Variants in DPYD observed in about 807,000 individuals in gnomAD.
The protein encoded by DPYD is dihydropyrimidine dehydrogenase, also known as dihydropyrimidine dehydrogenase [NADP(+)].
Under a neutral mutation model 116.2 loss-of-function variants are expected in DPYD, and 109 were observed. The ratio of observed to expected loss-of-function variants is 0.94; its 90% CI spans 0.80 to 1.10. The LOEUF is 1.10. DPYD is among the 50% of genes least tolerant of loss of function. The pLI is 0.00. For synonymous variants in DPYD, 440 were observed against 432.0 expected, an observed-to-expected ratio of 1.02 and a Z score of -0.23; for missense variants, 1,302 against 1,254.5, an observed-to-expected ratio of 1.04 and a Z score of -0.57.
chr1:97,593,433 T>C lies in DPYD; in HGVS notation c.959-46A>G, dbSNP rs1490832009. 3.7e-6 allele frequency: 6 copies of C among 1,605,430 alleles called. 1 individual carries two copies. The South Asian group carries it at 6.6e-5, about 18-fold the overall frequency. On this transcript the variant is annotated intron_variant, in intron 9 of 22. Transcript: ENST00000370192. ...CCCATTTTCAAGTAGAGAAACCATT[T>C]CTGCATGACAGCTCAAAAGATACTT...
intron 2 of DPYD, among the ~76,000 whole-genome samples, chr1:97,881,131 T>TA (rs1161194112): frequency 2.0e-5 from 3 of 152,190 alleles, no homozygotes; most frequent in Admixed American, 6.6e-5. Context: ...TCAAAAATCT[T>TA]ATGTTGAAGT....
intron 20 of DPYD, among the ~76,000 whole-genome samples, chr1:97,102,396 C>CACATATATAT (rs1650762529): frequency 1.0e-5 from 1 of 97,302 alleles, no homozygotes; most frequent in South Asian, 3.5e-4. Context: ...CACTCAGTAT[C>CACATATATAT]ATATATATAT....
intron 12 of DPYD, among the ~76,000 whole-genome samples, chr1:97,535,868 T>C (rs1159359373): frequency 2.6e-5 from 4 of 152,158 alleles, no homozygotes; most frequent in African/African-American, 9.7e-5. Flanking sequence ...ATTAGGAATA[T>C]AATTGTTAAT....
chr1:97,814,903 CAAA>C (rs71071673), intron 3 of DPYD, among the ~76,000 whole-genome samples: 6 of 63,684 alleles, frequency 9.4e-5, no homozygotes, highest in Non-Finnish European at 1.6e-4. Context: ...GACCCTGTCT[CAAA>C]AAAAAAAAAA....
intron 16 of DPYD, among the ~76,000 whole-genome samples, chr1:97,327,269 C>T (rs1302319333): frequency 4.6e-5 from 7 of 152,012 alleles, no homozygotes; most frequent in Admixed American, 4.6e-4. Context: ...ACAGTAGACT[C>T]TGCTTCTCAT....
At chr1:97,429,182 C>T (rs926327683) in intron 14 of DPYD, among the ~76,000 whole-genome samples, 3 of 151,946 alleles carry the variant, frequency 2.0e-5, no homozygotes, top group Admixed American at 1.3e-4. Flanking sequence ...ACCTGATATA[C>T]ATCTTGGTAA....
intron 13 of DPYD, among the ~76,000 whole-genome samples, chr1:97,511,787 G>T (rs887743023): frequency 2.6e-5 from 4 of 151,870 alleles, no homozygotes; most frequent in African/African-American, 9.7e-5. Context: ...GCAGTTAGAA[G>T]TTAGGCCAGC....
intron 5 of DPYD, among the ~76,000 whole-genome samples, chr1:97,706,932 A>G (rs1661997270): frequency 6.6e-6 from 1 of 152,084 alleles, no homozygotes; most frequent in Admixed American, 6.6e-5. Flanking sequence ...TGTCTTCCAA[A>G]TTGGCTGTAC....
intron 18 of DPYD, among the ~76,000 whole-genome samples, chr1:97,263,288 T>A (rs903533321): frequency 6.6e-6 from 1 of 151,986 alleles, no homozygotes; most frequent in African/African-American, 2.4e-5. Context: ...ATTATTAGAG[T>A]TCCTTGAAAC....
chr1:97,457,444 T>C (rs902237005), intron 13 of DPYD, among the ~76,000 whole-genome samples: 1 of 152,164 alleles, frequency 6.6e-6, no homozygotes, highest in Admixed American at 6.5e-5. Flanking sequence ...TCTTGCCCTT[T>C]TTCAAAGAGC....
At chr1:97,715,982 A>C (rs1662589506) in intron 5 of DPYD, among the ~76,000 whole-genome samples, 1 of 152,124 alleles carries the variant, frequency 6.6e-6, no homozygotes, top group Admixed American at 6.6e-5. Flanking sequence ...TGGTAGAAGT[A>C]ATATTTGCTC....
intron 12 of DPYD, 22 bp downstream of exon 12, chr1:97,549,538 G>A (rs747266799): frequency 6.2e-7 from 1 of 1,613,010 alleles, no homozygotes; most frequent in South Asian, 1.1e-5. Context: ...AGAATTAAGT[G>A]GAAATGATGG....
At chr1:97,449,590 G>T (rs1676286795) in intron 14 of DPYD, among the ~76,000 whole-genome samples, 1 of 152,118 alleles carries the variant, frequency 6.6e-6, no homozygotes, top group South Asian at 2.1e-4. Context: ...TTTTATAAAA[G>T]ATAGTTGACT....
chr1:97,478,488 A>G (rs1259529538), intron 13 of DPYD, among the ~76,000 whole-genome samples: 1 of 151,750 alleles, frequency 6.6e-6, no homozygotes, highest in African/African-American at 2.4e-5. Flanking sequence ...GGTTTTCACC[A>G]TGTTGGCCAG....
chr1:97,425,676 T>C (rs1674827964), intron 14 of DPYD, among the ~76,000 whole-genome samples: 1 of 152,038 alleles, frequency 6.6e-6, no homozygotes, highest in African/African-American at 2.4e-5. Context: ...GAAAAGTACA[T>C]CTGACATTTT....
intron 8 of DPYD, among the ~76,000 whole-genome samples, chr1:97,611,214 A>G (rs534801791): frequency 1.3e-5 from 2 of 152,164 alleles, no homozygotes; most frequent in East Asian, 3.9e-4. Context: ...GCAAAAAGAG[A>G]GCCTGTGCAG....
chr1:97,227,219 C>G (rs1035571469), intron 19 of DPYD, among the ~76,000 whole-genome samples: 1 of 148,728 alleles, frequency 6.7e-6, no homozygotes, highest in Non-Finnish European at 1.5e-5. Flanking sequence ...CAGCTCTACT[C>G]GGGAGGCTGA....
At chr1:97,417,561 T>C (rs946797770) in intron 14 of DPYD, among the ~76,000 whole-genome samples, 2 of 152,218 alleles carry the variant, frequency 1.3e-5, no homozygotes, top group Non-Finnish European at 2.9e-5. Flanking sequence ...TTCATTTCTT[T>C]TCAACAAAGC....
At chr1:97,373,139 T>A (rs1250995694) in intron 16 of DPYD, among the ~76,000 whole-genome samples, 1 of 152,212 alleles carries the variant, frequency 6.6e-6, no homozygotes, top group Non-Finnish European at 1.5e-5. Flanking sequence ...AATGATCGTA[T>A]GCTAAAAAAT....
Sources: allele counts gnomAD v4.1 joint callset (sites outside exome capture counted in the v4.1 genomes callset), GRCh38; gene constraint gnomAD v4.1.1; transcripts MANE v1.5; gene names NCBI Gene and HGNC (gene_info 2026-07-23, HGNC 2026-07-21).